Variants in SYNPO observed in about 807,000 individuals in gnomAD.
SYNPO encodes the protein synaptopodin.
Under a neutral mutation model 49.5 loss-of-function variants are expected in SYNPO, and 19 were observed. The observed-to-expected ratio is 0.38, with a 90% CI of 0.27 to 0.56. The LOEUF is 0.56. SYNPO is among the 20% of genes least tolerant of loss of function. The pLI is 0.68. For synonymous variants in SYNPO, 536 were observed against 548.0 expected (o/e 0.98, Z 0.31); for missense variants, 1,131 against 1,248.3 (o/e 0.91, Z 1.42).
intron 1 of SYNPO, among the ~76,000 whole-genome samples, chr5:150,613,400 CAG>C (rs1486304335): frequency 2.0e-5 from 3 of 152,232 alleles, no homozygotes; most frequent in Non-Finnish European, 2.9e-5. Flanking sequence ...CCTCGTTCTT[CAG>C]AGTCATCCCC....
chr5:150,618,591 G>A (rs535892114), exon 2 of SYNPO: 9 of 1,551,348 alleles, frequency 5.8e-6, no homozygotes, highest in South Asian at 1.2e-5. Flanking sequence ...GTCACCCAGG[G>A]GACACCGCAG....
At chr5:150,643,644 T>C (rs1217295096) in intron 1 of SYNPO, among the ~76,000 whole-genome samples, 2 of 152,034 alleles carry the variant, frequency 1.3e-5, no homozygotes, top group Non-Finnish European at 2.9e-5. Flanking sequence ...AAGCGATTCT[T>C]TTGCCTCAGC....
chr5:150,594,895 A>G, the SYNPO span, among the ~76,000 whole-genome samples: 1 of 152,144 alleles, frequency 6.6e-6, no homozygotes, highest in Non-Finnish European at 1.5e-5. Flanking sequence ...AGAAGTTTGC[A>G]AGGGGCTTCA....
intron 2 of SYNPO, among the ~76,000 whole-genome samples, chr5:150,626,462 G>T (rs1757360306): frequency 6.6e-6 from 1 of 152,248 alleles, no homozygotes. Flanking sequence ...TACCACTCTG[G>T]CTTGCAGCCC....
rs554169894 is a variant in SYNPO at position 150,643,777 on chromosome 5, C to A, written c.-333+2923C>A. On this transcript the variant is annotated intron_variant, in intron 1 of 2. Transcript: ENST00000307662. ...CTCGAACTCCTGACCTCGTGATCCA[C>A]CTGCCTTGGCCCCCCAAAATGCTAG... Among the ~76,000 whole-genome samples, 8 of 152,212 alleles carry A rather than the reference C, an allele frequency of 5.3e-5. No homozygotes were observed. In the South Asian group the frequency reaches 1.7e-3, roughly 32 times the overall value.
rs564224131 is a variant in SYNPO at position 150,647,613 on chromosome 5, C to T, written c.-332-331C>T. On this transcript the variant is annotated intron_variant, in intron 1 of 2. Transcript: ENST00000307662. ...AGGCAGTGGGGAGGAACTGGGGACA[C>T]GGTGGGACTTCTAGGGTGAGGTGTT... Among the ~76,000 whole-genome samples the T allele has an allele frequency of 7.9e-5, 12 of 152,274 alleles. No homozygotes were observed. The South Asian group carries it at 1.9e-3, about 24-fold the overall frequency.
At position 150,648,627 on chromosome 5, in the gene SYNPO, T is replaced by C. The variant is rs757296990; in HGVS notation, c.352T>C (p.Ser118Pro). The change falls in exon 2 of 3, where the codon TCC (serine) becomes CCC (proline). Residue 118 changes from serine (S) to proline (P), a missense_variant. This residue lies in a region of SYNPO where 602 missense variants were observed against 720.7 expected (regional missense o/e 0.84). Transcript: ENST00000307662. This position sits in a 1 kb window ranked among gnomAD's most constrained non-coding sequence, Gnocchi z 5.0. ...SLPLSSIQQN[S>P]SEAQLPSNGT... Reference sequence around the variant, plus strand: ...GCCACTTTCTAGCATCCAACAGAATTCCTCAGAGGCCCAACTCCCATCTAA... The same window carrying C: ...GCCACTTTCTAGCATCCAACAGAATCCCTCAGAGGCCCAACTCCCATCTAA... 4 of 1,614,148 alleles carry C rather than the reference T, an allele frequency of 2.5e-6. No homozygotes were observed. The South Asian group carries it at 4.4e-5, about 18-fold the overall frequency.
chr5:150,621,506 G>A (rs1303616573), intron 2 of SYNPO, among the ~76,000 whole-genome samples: 3 of 152,182 alleles, frequency 2.0e-5, no homozygotes, highest in Non-Finnish European at 4.4e-5. Flanking sequence ...CTGGAGATCA[G>A]GAGGGAAGAA....
chr5:150,625,134 G>T lies in SYNPO; in HGVS notation c.400+6367G>T, dbSNP rs187494824. On this transcript the variant is annotated intron_variant, in intron 2 of 2. Coordinates refer to the SYNPO transcript ENST00000394243. ...CGAGGCTTTCGAGCAGCTGAGGAGC[G>T]GGAGGACGCCCTGACGCCGGGAAGC... Among the ~76,000 whole-genome samples, 10 of 152,342 alleles carry T rather than the reference G, an allele frequency of 6.6e-5. No individual in the cohort carries two copies. The East Asian group carries it at 1.9e-3, about 29-fold the overall frequency.
At chr5:150,650,416 A>C in intron 2 of SYNPO, 113 bp downstream of exon 2, 1 of 1,559,844 alleles carries the variant, frequency 6.4e-7, no homozygotes, top group Non-Finnish European at 8.7e-7. Flanking sequence ...GAAATGGCAC[A>C]GAGCTGAGTG....
chr5:150,618,859 G>A, intron 2 of SYNPO: 4 of 1,468,282 alleles, frequency 2.7e-6, no homozygotes, highest in Non-Finnish European at 3.7e-6. Context: ...ATTTTTCCAT[G>A]ATCCACAGTA....
At chr5:150,600,731 A>G (rs1756506399), upstream of SYNPO, among the ~76,000 whole-genome samples, 1 of 152,212 alleles carries the variant, frequency 6.6e-6, no homozygotes, top group African/African-American at 2.4e-5. Context: ...GAGTCCTCCA[A>G]GTGGCTCCAG....
Position 150,656,852 on chromosome 5 carries a change from G to C in SYNPO, c.2477G>C (p.Ser826Thr), listed in dbSNP as rs1423445561. 1.9e-6 allele frequency: 3 copies of C among 1,557,348 alleles called. No individual in the cohort carries two copies. Among genetic ancestry groups the C allele is most frequent in the Non-Finnish European group, 8.7e-7 (1 of 1,154,306 alleles). ...GCAGCCTTCGCGCCCATCCCGCGGA[G>C]CCCGTTGCCCGCCGGTCCTTCGTCC... ...PGAAFAPIPRSPLPAGPSSCT... is the reference protein window; with the variant it reads ...PGAAFAPIPRTPLPAGPSSCT... The change falls in exon 3 of 3, where the codon AGC (serine) becomes ACC (threonine). Residue 826 changes from serine to threonine, a missense_variant. Physicochemically the swap from Ser to Thr is moderately conservative, Grantham distance 58. Around this residue, in one of 4 missense-constraint regions of SYNPO, gnomAD observed 509 missense variants for 484.5 expected, o/e 1.05. Coordinates refer to ENST00000307662, the MANE Select transcript of SYNPO (RefSeq NM_007286.6).
the SYNPO span, among the ~76,000 whole-genome samples, chr5:150,593,429 C>G: frequency 6.6e-6 from 1 of 152,200 alleles, no homozygotes; most frequent in Admixed American, 6.5e-5. Context: ...AGCCTTGGCT[C>G]TATTTTATAT....
At chr5:150,633,053 G>A (rs1316963035) in intron 2 of SYNPO, among the ~76,000 whole-genome samples, 1 of 152,222 alleles carries the variant, frequency 6.6e-6, no homozygotes, top group Non-Finnish European at 1.5e-5. Context: ...CTAGGAAAGA[G>A]CTGCTTTGGC....
At chr5:150,591,687 G>A in the SYNPO span, among the ~76,000 whole-genome samples, 1 of 152,176 alleles carries the variant, frequency 6.6e-6, no homozygotes, top group Non-Finnish European at 1.5e-5. Context: ...AGGGAAGATA[G>A]TAACACTCAC....
intron 1 of SYNPO, among the ~76,000 whole-genome samples, chr5:150,604,846 T>G (rs1427269185): frequency 6.6e-6 from 1 of 152,044 alleles, no homozygotes; most frequent in Non-Finnish European, 1.5e-5. Context: ...TGATTGTCAT[T>G]TTACAGAGGG....
At chr5:150,596,979 G>T (rs1288519987), upstream of SYNPO, among the ~76,000 whole-genome samples, 2 of 152,236 alleles carry the variant, frequency 1.3e-5, no homozygotes, top group Non-Finnish European at 2.9e-5. Context: ...TAGATGGTAG[G>T]ACTGGCACCT....
At chr5:150,640,300 C>G (rs1160977880), upstream of SYNPO, among the ~76,000 whole-genome samples, 1 of 152,148 alleles carries the variant, frequency 6.6e-6, no homozygotes, top group Non-Finnish European at 1.5e-5. Context: ...GGATGTGAGA[C>G]AGAGGAGGGT....
Sources: gnomAD v4.1 joint callset for allele counts (sites outside exome capture counted in the v4.1 genomes callset) on GRCh38, gnomAD v4.1.1 for gene constraint, gnomAD v4.1.1 regional missense constraint, Gnocchi (gnomAD v3.1) non-coding constraint, MANE v1.5 for transcripts, NCBI Gene and HGNC (gene_info 2026-07-23, HGNC 2026-07-21) for gene names.